The following ZNF362 variants were observed in gnomAD, a reference collection of about 807,000 sequenced individuals.
The protein encoded by ZNF362 is rotund homolog.
Under a neutral mutation model 42.9 loss-of-function variants are expected in ZNF362, and 11 were observed. The observed-to-expected ratio is 0.26, with a 90% CI of 0.16 to 0.42. ZNF362 has a LOEUF of 0.42. Among genes scored for constraint, ZNF362 ranks in the 20% least tolerant of loss-of-function variants. The probability of loss-of-function intolerance (pLI) is 1.00; values close to 1 mark genes in which losing one functional copy is unlikely to be tolerated. For missense variants in ZNF362, 362 were observed against 576.2 expected, an observed-to-expected ratio of 0.63 and a Z score of 3.81; for synonymous variants, 255 against 257.3, an observed-to-expected ratio of 0.99 and a Z score of 0.09.
the ZNF362 span, among the ~76,000 whole-genome samples, chr1:33,161,342 A>G: frequency 1.3e-5 from 2 of 152,308 alleles, no homozygotes; most frequent in East Asian, 3.9e-4. This position sits in a 1 kb window ranked among gnomAD's most constrained non-coding sequence, Gnocchi z 4.3. Flanking sequence ...CACGGGCTAT[A>G]GAAGTGCGGC....
In ZNF362 at chr1:33,275,132, G is replaced by A. The variant is rs1159854227; in HGVS notation, c.39-968G>A. ...AGTGATTTCTGTAAGAGAGAGATAC[G>A]AGAAACTTGACAGGGAGCAAGACTT... On this transcript the variant is annotated intron_variant, in intron 2 of 8. Transcript: ENST00000539719. The A allele has an allele frequency of 4.1e-6, 4 of 985,274 alleles. No homozygotes were observed. The African/African-American group carries it at 7.0e-5, about 17-fold the overall frequency. The allele number at this position is 985,274 out of a possible 1,614,324, so 61.0% of individuals were successfully genotyped here.
chr1:33,292,723 C>T (rs1646088271), intron 6 of ZNF362, among the ~76,000 whole-genome samples: 1 of 152,124 alleles, frequency 6.6e-6, no homozygotes, highest in African/African-American at 2.4e-5. Flanking sequence ...GGGTTTAAAA[C>T]AAAGGCAGTG....
At chr1:33,210,937 T>G in the ZNF362 span, among the ~76,000 whole-genome samples, 36 of 11,154 alleles carry the variant, frequency 3.2e-3, no homozygotes, top group African/African-American at 6.6e-3. Flanking sequence ...TTAAGGTTAA[T>G]TTTTTTTTTT....
At chr1:33,206,597 G>C in the ZNF362 span, among the ~76,000 whole-genome samples, 4 of 152,132 alleles carry the variant, frequency 2.6e-5, no homozygotes, top group South Asian at 4.2e-4. Flanking sequence ...CCAACACAGT[G>C]AGACCCCATC....
chr1:33,230,537 C>T, the ZNF362 span, among the ~76,000 whole-genome samples: 1 of 152,228 alleles, frequency 6.6e-6, no homozygotes, highest in Non-Finnish European at 1.5e-5. Flanking sequence ...CTGATGTTCA[C>T]CGAATACTTC....
At chr1:33,171,763 T>G in the ZNF362 span, among the ~76,000 whole-genome samples, 4 of 152,282 alleles carry the variant, frequency 2.6e-5, no homozygotes, top group South Asian at 6.2e-4. Flanking sequence ...TTTCCAAATC[T>G]GTAAAGTAAG....
chr1:33,243,969 G>A, the ZNF362 span, among the ~76,000 whole-genome samples: 2 of 152,098 alleles, frequency 1.3e-5, no homozygotes, highest in Non-Finnish European at 2.9e-5. Context: ...AAAAAAATAT[G>A]TGTAATTTAC....
At chr1:33,223,283 G>T in the ZNF362 span, among the ~76,000 whole-genome samples, 1 of 151,986 alleles carries the variant, frequency 6.6e-6, no homozygotes. Flanking sequence ...AAAAAACACA[G>T]GAGTTTCCCT....
At chr1:33,247,866 G>A in the ZNF362 span, among the ~76,000 whole-genome samples, 2 of 152,128 alleles carry the variant, frequency 1.3e-5, no homozygotes, top group South Asian at 2.1e-4. Context: ...CCTTAGACTC[G>A]GTAGGAAAAA....
chr1:33,281,651 A>C lies in ZNF362; in HGVS notation c.748A>C (p.Thr250Pro). The C allele has an allele frequency of 6.2e-7, 1 of 1,614,228 alleles. No individual in the cohort carries two copies. Among genetic ancestry groups the C allele is most frequent in the Non-Finnish European group, 8.5e-7 (1 of 1,180,036 alleles). ...SEMQIHSKSH[T>P]EAKPHKCPHC... ...GATGCAGATCCACTCCAAGTCGCACACAGAGGCCAAGCCCCACAAGTGCCC... is the reference window on the plus strand; with the variant it reads ...GATGCAGATCCACTCCAAGTCGCACCCAGAGGCCAAGCCCCACAAGTGCCC... Residue 250 changes from threonine to proline, a missense_variant, in exon 6 of 9, where the codon ACA becomes CCA. By Grantham distance (38) the Thr-to-Pro change is conservative (BLOSUM62 -1). Around this residue, in one of 3 missense-constraint regions of ZNF362, gnomAD observed 266 missense variants for 365.4 expected, o/e 0.73. Transcript: ENST00000539719. This position sits in a 1 kb window ranked among gnomAD's most constrained non-coding sequence, Gnocchi z 4.8.
At chr1:33,197,124 A>G in the ZNF362 span, among the ~76,000 whole-genome samples, 2 of 152,178 alleles carry the variant, frequency 1.3e-5, no homozygotes, top group Non-Finnish European at 2.9e-5. Flanking sequence ...CTTGGACATC[A>G]GAGTCCAGGT....
the ZNF362 span, chr1:33,165,493 T>C: frequency 1.4e-5 from 23 of 1,608,090 alleles, no homozygotes; most frequent in African/African-American, 2.3e-4. The surrounding 1 kb of genome is among the most constrained non-coding windows in gnomAD (Gnocchi z 4.0). Flanking sequence ...CAGTTGTCGC[T>C]TGAGCAGCTG....
At chr1:33,158,923 C>A in the ZNF362 span, among the ~76,000 whole-genome samples, 1 of 152,102 alleles carries the variant, frequency 6.6e-6, no homozygotes, top group Non-Finnish European at 1.5e-5. Flanking sequence ...TCACTGCAAC[C>A]TCTGCCTCCT....
the ZNF362 span, among the ~76,000 whole-genome samples, chr1:33,144,480 G>C: frequency 6.6e-6 from 1 of 152,190 alleles, no homozygotes; most frequent in African/African-American, 2.4e-5. Context: ...GATTTTGCGT[G>C]TACTAAACCT....
chr1:33,263,244 C>T (rs182335167), intron 1 of ZNF362, among the ~76,000 whole-genome samples: 44 of 152,322 alleles, frequency 2.9e-4, no homozygotes, highest in East Asian at 1.9e-4. Context: ...ATGGTGGAGC[C>T]GGCAGCCCGT....
the ZNF362 span, among the ~76,000 whole-genome samples, chr1:33,172,906 G>A: frequency 3.3e-5 from 5 of 152,160 alleles, no homozygotes; most frequent in East Asian, 1.9e-4. Context: ...GCTCACCTCC[G>A]CAAGCTTTCA....
the ZNF362 span, among the ~76,000 whole-genome samples, chr1:33,161,113 T>C: frequency 6.6e-6 from 1 of 152,152 alleles, no homozygotes; most frequent in Non-Finnish European, 1.5e-5. The surrounding 1 kb of genome is among the most constrained non-coding windows in gnomAD (Gnocchi z 4.3). Context: ...CATTGTAGGA[T>C]TGTGGTGAAG....
At chr1:33,136,249 C>T in the ZNF362 span, among the ~76,000 whole-genome samples, 1 of 149,702 alleles carries the variant, frequency 6.7e-6, no homozygotes, top group Non-Finnish European at 1.5e-5. Flanking sequence ...TTTCCTTTCT[C>T]TCTTTCTTTT....
At chr1:33,261,087 A>G (rs1017608736) in intron 1 of ZNF362, 3 of 152,176 alleles carry the variant, frequency 2.0e-5, no homozygotes, top group African/African-American at 7.2e-5. Flanking sequence ...AGAGGTATTT[A>G]GGTATCATGG....
Sources: gnomAD v4.1 joint callset for allele counts (sites outside exome capture counted in the v4.1 genomes callset) on GRCh38, gnomAD v4.1.1 for gene constraint, gnomAD v4.1.1 regional missense constraint, Gnocchi (gnomAD v3.1) non-coding constraint, MANE v1.5 for transcripts, NCBI Gene and HGNC (gene_info 2026-07-23, HGNC 2026-07-21) for gene names.